Variants in DHX9 observed in about 807,000 individuals in gnomAD.
The protein encoded by DHX9 is ATP-dependent RNA helicase A.
In DHX9, 27 loss-of-function variants were observed where a neutral mutation model predicts 148.7. That is an observed-to-expected ratio of 0.18 (90% CI 0.13 to 0.25). The LOEUF is 0.25. DHX9 is among the 10% of genes least tolerant of loss of function. The pLI is 1.00. For synonymous variants in DHX9, 529 were observed against 516.6 expected (o/e 1.02, Z -0.33); for missense variants, 796 against 1,559.6 (o/e 0.51, Z 8.25).
intron 3 of DHX9, among the ~76,000 whole-genome samples, chr1:182,846,184 T>C (rs1299334530): frequency 1.3e-5 from 2 of 151,746 alleles, no homozygotes; most frequent in East Asian, 1.9e-4. Context: ...CTTAGGAGAT[T>C]ATAAGGATTT....
At chr1:182,873,007 GT>G (rs1289211702) in intron 15 of DHX9, among the ~76,000 whole-genome samples, 1 of 152,198 alleles carries the variant, frequency 6.6e-6, no homozygotes. Flanking sequence ...AGACTGGAGT[GT>G]AGTGGTGCAC....
At position 182,843,275 on chromosome 1, in the gene DHX9, C is replaced by CTTT; in HGVS notation, c.112-7_112-5dup. ...AATTACCCAGGTCAGTCTCTTAGTA[C>CTTT]TTTTTTTTTTTTTTAAAGGTTCAGG... On this transcript the variant is annotated intron_variant, in intron 2 of 27. Coordinates refer to ENST00000367549, the MANE Select transcript of DHX9 (RefSeq NM_001357.5). The CTTT allele has an allele frequency of 1.3e-5, 16 of 1,263,032 alleles. No homozygotes were observed. Among genetic ancestry groups the CTTT allele is most frequent in the African/African-American group, 6.2e-5 (4 of 64,216 alleles). The allele number at this position is 1,263,032 out of a possible 1,614,324, so 78.2% of individuals were successfully genotyped here. A position where few individuals can be genotyped will look rare whatever the true frequency, so the allele number is the denominator to read the frequency against.
rs150465229 is a variant in DHX9, at chr1:182,840,670, C to G, written c.-23+1214C>G. On this transcript the variant is annotated intron_variant, in intron 1 of 27. Transcript: ENST00000367549. ...ATTCTTTGTCTCAGTTTCCCCTTCTCTAAAGGGATAGTGATCTTACCTGTA... is the reference window on the plus strand; with the variant it reads ...ATTCTTTGTCTCAGTTTCCCCTTCTGTAAAGGGATAGTGATCTTACCTGTA... Among the ~76,000 whole-genome samples, 78 of 152,312 alleles carry G rather than the reference C, an allele frequency of 5.1e-4. 1 individual carries two copies. In the East Asian group the frequency reaches 0.013, roughly 25 times the overall value.
chr1:182,845,233 G>A (rs1424412638), intron 3 of DHX9, among the ~76,000 whole-genome samples: 1 of 152,144 alleles, frequency 6.6e-6, no homozygotes, highest in East Asian at 1.9e-4. Flanking sequence ...TTTTGCAAAT[G>A]TCTTTTACAT....
At chr1:182,880,413 C>T in intron 21 of DHX9, 84 bp from the exon 22 acceptor site, 1 of 895,208 alleles carries the variant, frequency 1.1e-6, no homozygotes, top group Non-Finnish European at 1.8e-6. Flanking sequence ...TCTAAACTGT[C>T]TTAACCTTAA....
chr1:182,867,016 A>G lies in DHX9; in HGVS notation c.1530A>G (p.Val510=), dbSNP rs778062522. 6.2e-7 allele frequency: 1 copy of G among 1,605,376 alleles called. No individual in the cohort carries two copies. Among genetic ancestry groups the G allele is most frequent in the Non-Finnish European group, 8.5e-7 (1 of 1,177,462 alleles). Reference sequence around the variant, plus strand: ...TTCGAGGAATCAGTCATGTAATTGTAGATGAAATACATGAAAGAGATATTA... The same window carrying G: ...TTCGAGGAATCAGTCATGTAATTGTGGATGAAATACATGAAAGAGATATTA... ...AGIRGISHVI[V]DEIHERDINT... is the part of the protein sequence containing the mutation. Residue 510 remains valine (V), a synonymous_variant, in exon 14 of 28, where the codon GTA becomes GTG. Transcript: ENST00000367549.
chr1:182,863,793 ATTT>A (rs61680747), intron 12 of DHX9, among the ~76,000 whole-genome samples: 2 of 148,448 alleles, frequency 1.3e-5, no homozygotes, highest in Admixed American at 1.3e-4. Flanking sequence ...GAATTAGAAG[ATTT>A]TTTTTTTTTA....
At chr1:182,868,444 T>C (rs1648396692) in intron 14 of DHX9, among the ~76,000 whole-genome samples, 1 of 151,576 alleles carries the variant, frequency 6.6e-6, no homozygotes, top group Non-Finnish European at 1.5e-5. Flanking sequence ...ACTTGCTATT[T>C]AATAAAATTT....
At chr1:182,878,337 T>C (rs1188469436) in intron 20 of DHX9, among the ~76,000 whole-genome samples, 164 bp downstream of exon 20, 1 of 152,226 alleles carries the variant, frequency 6.6e-6, no homozygotes, top group Non-Finnish European at 1.5e-5. Context: ...ACAAATCATT[T>C]AGAGAATAAG....
chr1:182,880,128 A>G (rs533742510), intron 21 of DHX9, among the ~76,000 whole-genome samples: 3 of 152,308 alleles, frequency 2.0e-5, no homozygotes, highest in African/African-American at 7.2e-5. Flanking sequence ...TTTATCTACT[A>G]TGTAACTTCA....
intron 14 of DHX9, 146 bp from the exon 15 acceptor site, chr1:182,872,191 C>T (rs1571315873): frequency 1.6e-6 from 1 of 613,810 alleles, no homozygotes; most frequent in Non-Finnish European, 2.8e-6. Flanking sequence ...ATAAAAGATC[C>T]ATTGTGGTCC....
In DHX9 at chr1:182,887,589, A is replaced by G. The variant is rs1240280397; in HGVS notation, c.*155A>G. On this transcript the variant is annotated 3_prime_UTR_variant, in exon 28 of 28. Coordinates refer to ENST00000367549, the MANE Select transcript of DHX9 (RefSeq NM_001357.5). ...TGTAGTTTAAGGAAACCAAGCATAT[A>G]GATGCATTAGTGATTTTGTTTATAT... is the stretch of plus-strand genomic sequence containing the variant. The G allele has an allele frequency of 1.6e-6, 1 of 618,138 alleles. No homozygotes were observed. The highest frequency in any genetic ancestry group is 2.8e-5 in the East Asian group (1 of 36,162). The allele number at this position is 618,138 out of a possible 1,614,324, so 38.3% of individuals were successfully genotyped here.
intron 3 of DHX9, among the ~76,000 whole-genome samples, chr1:182,847,648 G>A (rs1668057163): frequency 6.6e-6 from 1 of 152,102 alleles, no homozygotes; most frequent in African/African-American, 2.4e-5. Flanking sequence ...TAGCAGCTTT[G>A]CTTTCCCTGA....
chr1:182,839,552 G>GGGCGGC (rs1223376156), intron 1 of DHX9, 96 bp downstream of exon 1: 1 of 152,888 alleles, frequency 6.5e-6, no homozygotes, highest in Non-Finnish European at 1.5e-5. Context: ...TGCGAAGCGC[G>GGGCGGC]GGCGGCGGCG....
At chr1:182,855,741 G>C (rs1668239845) in intron 6 of DHX9, 9 of 985,402 alleles carry the variant, frequency 9.1e-6, no homozygotes, top group Non-Finnish European at 1.1e-5. Context: ...ATAGGAAGGA[G>C]TCTAACATTT....
rs772832442 is a variant in DHX9, at chr1:182,853,285, G to T, written c.365-21G>T. On this transcript the variant is annotated intron_variant, in intron 4 of 27. Transcript: ENST00000367549. Reference sequence around the variant, plus strand: ...TTTCTACAGTTATGACTCATTAAGAGAATTTTTTTTCTTTTAACAGAAAAT... The same window carrying T: ...TTTCTACAGTTATGACTCATTAAGATAATTTTTTTTCTTTTAACAGAAAAT... 1.5e-5 allele frequency: 24 copies of T among 1,558,338 alleles called. 1 individual carries two copies. The highest frequency in any genetic ancestry group is 5.7e-5 in the South Asian group (5 of 88,350).
Position 182,883,134 on chromosome 1 carries a change from A to C in DHX9, c.2915-5A>C, listed in dbSNP as rs376724647. 19 of 1,609,064 alleles carry C rather than the reference A, an allele frequency of 1.2e-5. No individual in the cohort carries two copies. Among genetic ancestry groups the C allele is most frequent in the Non-Finnish European group, 1.6e-5 (19 of 1,175,406 alleles). ...TTTTTGTTTTCACTGTGCTCCTCTTAACAGATTGTTTGTTGACACAAGTGT... is the reference window on the plus strand; with the variant it reads ...TTTTTGTTTTCACTGTGCTCCTCTTCACAGATTGTTTGTTGACACAAGTGT... On this transcript the variant is annotated splice_polypyrimidine_tract_variant and splice_region_variant and intron_variant, in intron 24 of 27. Transcript: ENST00000367549.
At chr1:182,884,243 C>T (rs1191354452) in intron 26 of DHX9, among the ~76,000 whole-genome samples, 2 of 151,964 alleles carry the variant, frequency 1.3e-5, no homozygotes, top group Non-Finnish European at 2.9e-5. Flanking sequence ...TGCACTCCAG[C>T]GAGGGCAACA....
At chr1:182,858,269 A>T (rs781478453) in intron 8 of DHX9, 29 bp downstream of exon 8, 12 of 1,598,790 alleles carry the variant, frequency 7.5e-6, no homozygotes. Flanking sequence ...TAGACTTGTG[A>T]GATAGTGTGA....
Sources: gnomAD v4.1 joint callset for allele counts (sites outside exome capture counted in the v4.1 genomes callset) on GRCh38, gnomAD v4.1.1 for gene constraint, MANE v1.5 for transcripts, NCBI Gene and HGNC (gene_info 2026-07-23, HGNC 2026-07-21) for gene names.